CNTN4: variants seen among roughly 807,000 people sequenced by gnomAD.
The protein encoded by CNTN4 is contactin-4.
CNTN4 carries 77 observed loss-of-function variants against 122.5 expected under a neutral mutation model. The observed-to-expected ratio is 0.63, with a 90% CI of 0.52 to 0.76. The LOEUF is 0.76. Ranked by LOEUF, CNTN4 falls within the 30% of genes least tolerant of loss-of-function variation. The probability of loss-of-function intolerance (pLI) is 0.00; values close to 1 mark genes in which losing one functional copy is unlikely to be tolerated. For missense variants in CNTN4, 1,256 were observed against 1,259.1 expected (o/e 1.00, Z 0.04); for synonymous variants, 512 against 447.0 (o/e 1.15, Z -1.83).
chr3:2,788,263 T>G (rs940627147), intron 6 of CNTN4, among the ~76,000 whole-genome samples: 6 of 152,204 alleles, frequency 3.9e-5, no homozygotes, highest in Admixed American at 6.5e-5. Flanking sequence ...GGGAAATGGA[T>G]TTTTGAAATG....
chr3:2,467,802 A>G (rs148628559), intron 3 of CNTN4, among the ~76,000 whole-genome samples: 103 of 152,316 alleles, frequency 6.8e-4, no homozygotes, highest in African/African-American at 2.5e-3. Flanking sequence ...TTGGCCTTGC[A>G]GTGTCCTGGT....
chr3:3,007,643 G>A (rs769149590), intron 14 of CNTN4, among the ~76,000 whole-genome samples: 8 of 152,246 alleles, frequency 5.3e-5, no homozygotes, highest in East Asian at 3.9e-4. Flanking sequence ...TTTTCTGCAC[G>A]TTACCCTATT....
chr3:2,837,562 A>G (rs1323143136), intron 7 of CNTN4, among the ~76,000 whole-genome samples: 3 of 152,192 alleles, frequency 2.0e-5, no homozygotes. Context: ...GGGAATGAAA[A>G]AATACACATA....
chr3:2,545,110 G>T (rs1420618702), intron 3 of CNTN4, among the ~76,000 whole-genome samples: 7 of 151,988 alleles, frequency 4.6e-5, no homozygotes, highest in Non-Finnish European at 1.0e-4. Flanking sequence ...CTTGATTTCT[G>T]CCTTAATTTC....
chr3:2,545,136 G>A (rs187884420), intron 3 of CNTN4, among the ~76,000 whole-genome samples: 15 of 152,190 alleles, frequency 9.9e-5, no homozygotes, highest in African/African-American at 3.6e-4. Context: ...CTACCCAAAA[G>A]TCTTTTAAGA....
At chr3:2,991,824 C>T (rs1056556958) in intron 14 of CNTN4, among the ~76,000 whole-genome samples, 3 of 149,548 alleles carry the variant, frequency 2.0e-5, no homozygotes, top group Non-Finnish European at 3.0e-5. Context: ...TATGACTGAG[C>T]GCTGTATTTT....
chr3:2,907,829 C>T (rs928042361), intron 12 of CNTN4, among the ~76,000 whole-genome samples: 1 of 152,190 alleles, frequency 6.6e-6, no homozygotes, highest in African/African-American at 2.4e-5. Flanking sequence ...TGGATTTAAA[C>T]TGCTAAATAA....
intron 3 of CNTN4, among the ~76,000 whole-genome samples, chr3:2,569,966 C>A (rs530503940): frequency 1.3e-5 from 2 of 151,902 alleles, no homozygotes; most frequent in East Asian, 3.9e-4. Flanking sequence ...GTGCCTTGTT[C>A]CTCTTGATGG....
intron 4 of CNTN4, among the ~76,000 whole-genome samples, chr3:2,667,667 A>C (rs2084252612): frequency 7.7e-6 from 1 of 129,872 alleles, no homozygotes; most frequent in South Asian, 3.0e-4. Flanking sequence ...GTCCTTGCCC[A>C]CGCCTATGTC....
At chr3:2,924,230 T>G (rs2094453099) in intron 12 of CNTN4, among the ~76,000 whole-genome samples, 1 of 152,200 alleles carries the variant, frequency 6.6e-6, no homozygotes, top group Admixed American at 6.5e-5. Flanking sequence ...AGATTTGACT[T>G]GCTTCCACTG....
At chr3:2,809,069 A>T (rs893052537) in intron 6 of CNTN4, among the ~76,000 whole-genome samples, 3 of 152,260 alleles carry the variant, frequency 2.0e-5, no homozygotes, top group African/African-American at 7.2e-5. Context: ...AACTGGCAAG[A>T]TTCCTGCCCC....
At chr3:2,500,068 G>A (rs2076555844) in intron 3 of CNTN4, among the ~76,000 whole-genome samples, 1 of 151,936 alleles carries the variant, frequency 6.6e-6, no homozygotes, top group African/African-American at 2.4e-5. Context: ...ATAGATTCTT[G>A]TGTGTTTATC....
At chr3:2,225,869 T>C (rs2039262143) in intron 2 of CNTN4, among the ~76,000 whole-genome samples, 1 of 152,148 alleles carries the variant, frequency 6.6e-6, no homozygotes, top group Admixed American at 6.5e-5. Flanking sequence ...TTTTAGGGGA[T>C]AGAGTGACCC....
intron 2 of CNTN4, among the ~76,000 whole-genome samples, chr3:2,273,839 G>C (rs1461235020): frequency 6.6e-6 from 1 of 152,048 alleles, no homozygotes; most frequent in Middle Eastern, 3.2e-3. Flanking sequence ...AATAAAATAA[G>C]GATAATAATA....
intron 3 of CNTN4, among the ~76,000 whole-genome samples, chr3:2,428,087 G>T (rs2151171125): frequency 6.6e-6 from 1 of 152,200 alleles, no homozygotes; most frequent in Admixed American, 6.5e-5. Context: ...GGTTAATATT[G>T]TTATGTGTGA....
At chr3:2,180,187 C>G (rs554753076) in intron 2 of CNTN4, among the ~76,000 whole-genome samples, 83 of 152,036 alleles carry the variant, frequency 5.5e-4, no homozygotes, top group African/African-American at 1.8e-3. Flanking sequence ...AATAATACAT[C>G]TAGCCTAAAA....
chr3:2,627,662 T>A (rs1264729199), intron 4 of CNTN4, among the ~76,000 whole-genome samples: 2 of 151,750 alleles, frequency 1.3e-5, no homozygotes, highest in Middle Eastern at 3.4e-3. Context: ...CCTGGCTAAT[T>A]TTTTGTATTT....
chr3:2,444,715 T>C (rs1042635980), intron 3 of CNTN4, among the ~76,000 whole-genome samples: 1 of 152,068 alleles, frequency 6.6e-6, no homozygotes, highest in Non-Finnish European at 1.5e-5. Flanking sequence ...CACTGCAGCC[T>C]AGTACTGAAT....
At chr3:2,433,062 A>G (rs1047280387) in intron 3 of CNTN4, among the ~76,000 whole-genome samples, 14 of 152,122 alleles carry the variant, frequency 9.2e-5, no homozygotes, top group African/African-American at 2.4e-4. Flanking sequence ...GGCTCAAGCA[A>G]TCCACCCACC....
Sources: allele counts gnomAD v4.1 joint callset (sites outside exome capture counted in the v4.1 genomes callset), GRCh38; gene constraint gnomAD v4.1.1; transcripts MANE v1.5; gene names NCBI Gene and HGNC (gene_info 2026-07-23, HGNC 2026-07-21).